The following ARHGAP26 variants were observed in gnomAD, a reference collection of about 807,000 sequenced individuals.
ARHGAP26 encodes the protein Rho GTPase activating protein 26.
A neutral mutation model predicts 104.8 loss-of-function variants in ARHGAP26; 38 were observed. The ratio of observed to expected loss-of-function variants is 0.36; its 90% CI spans 0.28 to 0.48. ARHGAP26 has a LOEUF of 0.48. Ranked by LOEUF, ARHGAP26 falls within the 20% of genes least tolerant of loss-of-function variation. The probability of loss-of-function intolerance (pLI) is 0.99; values close to 1 mark genes in which losing one functional copy is unlikely to be tolerated. For missense variants in ARHGAP26, 704 were observed against 947.9 expected (o/e 0.74, Z 3.38); for synonymous variants, 341 against 340.0 (o/e 1.00, Z -0.03).
intron 17 of ARHGAP26, among the ~76,000 whole-genome samples, chr5:143,106,573 G>A (rs1227107624): frequency 7.0e-6 from 1 of 142,138 alleles, no homozygotes; most frequent in African/African-American, 2.6e-5. Context: ...CCCGGGTTCA[G>A]GCGATTCTCC....
intron 1 of ARHGAP26, among the ~76,000 whole-genome samples, chr5:142,789,402 C>A (rs544662159): frequency 6.6e-6 from 1 of 152,212 alleles, no homozygotes; most frequent in African/African-American, 2.4e-5. Context: ...TGAATTTAAT[C>A]CAGATGTCTT....
In ARHGAP26 at chr5:142,919,278, G is replaced by A. The variant is rs184624402; in HGVS notation, c.1028+5985G>A. The A allele has an allele frequency of 1.0e-4, 41 of 398,612 alleles. No homozygotes were observed. In the East Asian group the frequency reaches 1.3e-3, roughly 13 times the overall value. The allele number at this position is 398,612 out of a possible 1,614,324, so 24.7% of individuals were successfully genotyped here. ...CCGTGTTAACATGAAGGCAGAAGTC[G>A]AGGTGATGCACCTACAAGCCAATGA... On this transcript the variant is annotated intron_variant, in intron 10 of 22. Transcript: ENST00000645722.
intron 7 of ARHGAP26, among the ~76,000 whole-genome samples, chr5:142,902,280 G>A (rs1760465991): frequency 6.6e-6 from 1 of 152,160 alleles, no homozygotes; most frequent in Non-Finnish European, 1.5e-5. Context: ...GCTGCTGCTG[G>A]TTATGTTTCA....
intron 11 of ARHGAP26, among the ~76,000 whole-genome samples, chr5:142,997,674 C>T (rs530989688): frequency 6.6e-6 from 1 of 151,792 alleles, no homozygotes; most frequent in Admixed American, 6.6e-5. Flanking sequence ...TGCCTTGCCT[C>T]CTGAAGTGCT....
intron 10 of ARHGAP26, among the ~76,000 whole-genome samples, chr5:142,930,889 T>G (rs1764620491): frequency 6.6e-6 from 1 of 152,104 alleles, no homozygotes; most frequent in South Asian, 2.1e-4. Context: ...GAAGCAGAGA[T>G]GATGGGTGGG....
At chr5:143,025,443 CTGTT>C (rs1304531823) in intron 12 of ARHGAP26, among the ~76,000 whole-genome samples, 1 of 152,218 alleles carries the variant, frequency 6.6e-6, no homozygotes, top group East Asian at 1.9e-4. Flanking sequence ...AGTTGGTTCT[CTGTT>C]TGAAACACTT....
chr5:142,854,841 A>G (rs1164920190), intron 1 of ARHGAP26, among the ~76,000 whole-genome samples: 1 of 152,118 alleles, frequency 6.6e-6, no homozygotes, highest in Non-Finnish European at 1.5e-5. Context: ...TTAAATGTTG[A>G]TGTTGGGACT....
chr5:143,134,973 A>G (rs1295408784), intron 19 of ARHGAP26, among the ~76,000 whole-genome samples: 1 of 152,252 alleles, frequency 6.6e-6, no homozygotes, highest in Non-Finnish European at 1.5e-5. Context: ...TGGTTCATTC[A>G]TGCAGCTGAC....
chr5:142,981,608 CATT>C, intron 11 of ARHGAP26, among the ~76,000 whole-genome samples: 1 of 152,280 alleles, frequency 6.6e-6, no homozygotes, highest in Non-Finnish European at 1.5e-5. Flanking sequence ...TCTTGATAGT[CATT>C]ATTATTATAA....
chr5:143,158,934 T>C (rs915200019), intron 20 of ARHGAP26, among the ~76,000 whole-genome samples: 3 of 152,214 alleles, frequency 2.0e-5, no homozygotes, highest in Non-Finnish European at 4.4e-5. Flanking sequence ...ATTAGGATCC[T>C]AAGAAGAAAC....
chr5:142,905,684 T>C (rs1471031960), intron 8 of ARHGAP26, among the ~76,000 whole-genome samples: 1 of 152,242 alleles, frequency 6.6e-6, no homozygotes, highest in Non-Finnish European at 1.5e-5. Context: ...ATAAAAGATA[T>C]TCTTTTTATG....
At chr5:142,982,588 G>A (rs1192073389) in intron 11 of ARHGAP26, among the ~76,000 whole-genome samples, 1 of 152,096 alleles carries the variant, frequency 6.6e-6, no homozygotes, top group Non-Finnish European at 1.5e-5. Flanking sequence ...AGGAAGGGAA[G>A]GATCTCACCA....
At chr5:142,913,425 C>G in intron 10 of ARHGAP26, 132 bp downstream of exon 10, 1 of 733,018 alleles carries the variant, frequency 1.4e-6, no homozygotes, top group African/African-American at 1.8e-5. Flanking sequence ...TCTCCCCCTG[C>G]CTCCTTCCTT....
chr5:142,879,582 A>G (rs914239793), intron 4 of ARHGAP26, 137 bp downstream of exon 4: 1 of 777,690 alleles, frequency 1.3e-6, no homozygotes, highest in African/African-American at 1.8e-5. Flanking sequence ...TTAGGCAGAA[A>G]ACTCTATAGA....
At position 142,788,822 on chromosome 5, in the gene ARHGAP26, A is replaced by C. The variant is rs374756121; in HGVS notation, c.154+17907A>C. On this transcript the variant is annotated intron_variant, in intron 1 of 22. Transcript: ENST00000645722. ...CAATGCCCCACAGATACTAAGGGAC[A>C]ACTGCAGTAGAATATCTCCACCATT... Among the ~76,000 whole-genome samples, 6 of 152,350 alleles carry C rather than the reference A, an allele frequency of 3.9e-5. No individual in the cohort carries two copies. In the East Asian group the frequency reaches 7.7e-4, roughly 20 times the overall value.
At chr5:143,117,834 T>C (rs1283161551) in intron 17 of ARHGAP26, among the ~76,000 whole-genome samples, 1 of 152,218 alleles carries the variant, frequency 6.6e-6, no homozygotes, top group Non-Finnish European at 1.5e-5. Flanking sequence ...ATTTGAAGTT[T>C]AATGAGTAAG....
chr5:143,084,790 A>T (rs1790316034), intron 17 of ARHGAP26, among the ~76,000 whole-genome samples: 3 of 152,114 alleles, frequency 2.0e-5, no homozygotes, highest in Admixed American at 2.0e-4. Flanking sequence ...TCATGCCTAT[A>T]ATCCCCACAC....
intron 14 of ARHGAP26, among the ~76,000 whole-genome samples, chr5:143,054,013 TTTTTTTGTTG>T (rs1430231189): frequency 6.6e-6 from 1 of 152,218 alleles, no homozygotes; most frequent in Non-Finnish European, 1.5e-5. Context: ...GGTTGTCTCC[TTTTTTTGTTG>T]TTTTTTCTGC....
chr5:142,987,369 T>A, intron 11 of ARHGAP26, among the ~76,000 whole-genome samples: 1 of 152,256 alleles, frequency 6.6e-6, no homozygotes, highest in East Asian at 1.9e-4. Context: ...TTGCTGAAGT[T>A]GCTTATCAGC....
Sources: gnomAD v4.1 joint callset for allele counts (sites outside exome capture counted in the v4.1 genomes callset) on GRCh38, gnomAD v4.1.1 for gene constraint, MANE v1.5 for transcripts, NCBI Gene and HGNC (gene_info 2026-07-23, HGNC 2026-07-21) for gene names.